The following LYPLAL1 variants were observed in gnomAD, a reference collection of about 807,000 sequenced individuals.
LYPLAL1 encodes lysophospholipase like 1.
LYPLAL1 carries 23 observed loss-of-function variants against 19.7 expected under a neutral mutation model. That is an observed-to-expected ratio of 1.17 (90% CI 0.84 to 1.65). LYPLAL1 has a LOEUF of 1.65. Ranked by LOEUF, LYPLAL1 falls within the 40% of genes most tolerant of loss-of-function variation. LYPLAL1 has a pLI of 0.00. For missense variants in LYPLAL1, 355 were observed against 279.4 expected (o/e 1.27, Z -1.93); for synonymous variants, 119 against 96.3 (o/e 1.24, Z -1.38).
chr1:219,241,233 T>G, the LYPLAL1 span, among the ~76,000 whole-genome samples: 1 of 148,276 alleles, frequency 6.7e-6, no homozygotes, highest in African/African-American at 2.5e-5. Context: ...TGCCACTAAA[T>G]AGAAGCATCT....
At chr1:219,342,275 G>C in the LYPLAL1 span, among the ~76,000 whole-genome samples, 3 of 152,082 alleles carry the variant, frequency 2.0e-5, no homozygotes, top group Non-Finnish European at 2.9e-5. Flanking sequence ...AAGGATGTTT[G>C]AGTATAGAAC....
At chr1:219,384,415 A>G in the LYPLAL1 span, among the ~76,000 whole-genome samples, 1 of 152,244 alleles carries the variant, frequency 6.6e-6, no homozygotes, top group Non-Finnish European at 1.5e-5. Flanking sequence ...TTTGAATGAT[A>G]CCTCTGTTGG....
In LYPLAL1 at chr1:219,173,971, G is replaced by T; in HGVS notation, c.81G>T (p.Leu27=). The part of the protein sequence containing the change: ...AGRHSASLIF[L]HGSGDSGQGL... ...GGCATAGCGCCTCTCTGATCTTCCT[G>T]CATGGCTCAGGTGGATTTCAATTTT... The change falls in exon 1 of 5, where the codon CTG becomes CTT. Residue 27 remains leucine (L), a synonymous_variant. Transcript: ENST00000366928. 6.2e-7 allele frequency: 1 copy of T among 1,614,080 alleles called. No homozygotes were observed. The highest frequency in any genetic ancestry group is 8.5e-7 in the Non-Finnish European group (1 of 1,179,986).
At chr1:219,392,531 G>T in the LYPLAL1 span, among the ~76,000 whole-genome samples, 1 of 152,120 alleles carries the variant, frequency 6.6e-6, no homozygotes, top group Non-Finnish European at 1.5e-5. Flanking sequence ...GATAGGTGTC[G>T]TATGCGTACT....
the LYPLAL1 span, among the ~76,000 whole-genome samples, chr1:219,264,656 CT>C: frequency 6.6e-6 from 1 of 152,080 alleles, no homozygotes; most frequent in Non-Finnish European, 1.5e-5. Context: ...CTAACCCGGG[CT>C]TTTAGATGAT....
the LYPLAL1 span, among the ~76,000 whole-genome samples, chr1:219,296,348 C>T: frequency 6.6e-6 from 1 of 152,096 alleles, no homozygotes; most frequent in African/African-American, 2.4e-5. Flanking sequence ...GGGTTCTGCA[C>T]CTGAATAAAC....
At chr1:219,214,380 T>C (rs1659212298), downstream of LYPLAL1, among the ~76,000 whole-genome samples, 1 of 152,144 alleles carries the variant, frequency 6.6e-6, no homozygotes, top group Non-Finnish European at 1.5e-5. Context: ...CAGTATTAGC[T>C]TCATAAAATA....
At chr1:219,331,683 G>GGGCC in the LYPLAL1 span, among the ~76,000 whole-genome samples, 1 of 152,156 alleles carries the variant, frequency 6.6e-6, no homozygotes, top group Admixed American at 6.6e-5. Context: ...TTAAGGCCAA[G>GGGCC]GGCCGGACAC....
chr1:219,271,737 A>T, the LYPLAL1 span: 1 of 152,246 alleles, frequency 6.6e-6, no homozygotes, highest in African/African-American at 2.4e-5. Context: ...GTTAAATGAA[A>T]GGTAAACTTT....
the LYPLAL1 span, among the ~76,000 whole-genome samples, chr1:219,313,038 A>T: frequency 6.6e-6 from 1 of 152,180 alleles, no homozygotes; most frequent in Non-Finnish European, 1.5e-5. Context: ...GGTTATTGTG[A>T]CTATGCCTTA....
At chr1:219,292,081 G>T in the LYPLAL1 span, among the ~76,000 whole-genome samples, 2 of 152,068 alleles carry the variant, frequency 1.3e-5, no homozygotes, top group African/African-American at 4.8e-5. Context: ...GAACACGTGG[G>T]CTCCTCACCC....
At chr1:219,337,056 A>G in the LYPLAL1 span, among the ~76,000 whole-genome samples, 1 of 151,940 alleles carries the variant, frequency 6.6e-6, no homozygotes, top group Non-Finnish European at 1.5e-5. Flanking sequence ...CTGTGACTGC[A>G]TTACATCATT....
chr1:219,269,503 G>A, the LYPLAL1 span, among the ~76,000 whole-genome samples: 8 of 152,058 alleles, frequency 5.3e-5, no homozygotes, highest in South Asian at 1.0e-3. Flanking sequence ...AAATAGGCAG[G>A]GACCAAAAAT....
the LYPLAL1 span, among the ~76,000 whole-genome samples, chr1:219,353,852 C>A: frequency 4.0e-5 from 6 of 151,326 alleles, no homozygotes; most frequent in East Asian, 1.2e-3. Context: ...AATTAACAAA[C>A]AAAAACTTGA....
the LYPLAL1 span, chr1:219,272,359 G>A: frequency 2.6e-5 from 4 of 152,382 alleles, no homozygotes; most frequent in Non-Finnish European, 5.9e-5. Context: ...CCCCTAAGAA[G>A]CAGGCTGAAA....
chr1:219,231,194 C>A, the LYPLAL1 span, among the ~76,000 whole-genome samples: 11 of 151,948 alleles, frequency 7.2e-5, no homozygotes, highest in Admixed American at 2.6e-4. Flanking sequence ...GATGGAGGGC[C>A]GTGTGGGTGA....
chr1:219,319,693 G>A, the LYPLAL1 span, among the ~76,000 whole-genome samples: 1 of 152,194 alleles, frequency 6.6e-6, no homozygotes, highest in Non-Finnish European at 1.5e-5. Flanking sequence ...AAAGAGGCAA[G>A]AGTGTAACAA....
the LYPLAL1 span, among the ~76,000 whole-genome samples, chr1:219,442,997 TC>T: frequency 6.6e-6 from 1 of 151,862 alleles, no homozygotes; most frequent in Non-Finnish European, 1.5e-5. Flanking sequence ...AAGACATCTA[TC>T]CTGTCTGCAG....
At chr1:219,259,608 A>G in the LYPLAL1 span, among the ~76,000 whole-genome samples, 1 of 151,678 alleles carries the variant, frequency 6.6e-6, no homozygotes, top group East Asian at 1.9e-4. Flanking sequence ...CAAAGGCATA[A>G]GAATGATATA....
Sources: gnomAD v4.1 joint callset for allele counts (sites outside exome capture counted in the v4.1 genomes callset) on GRCh38, gnomAD v4.1.1 for gene constraint, MANE v1.5 for transcripts, NCBI Gene and HGNC (gene_info 2026-07-23, HGNC 2026-07-21) for gene names.